Variants in VWA2 observed in about 807,000 individuals in gnomAD.
VWA2 encodes the protein von Willebrand factor A domain containing 2.
Under a neutral mutation model 70.4 loss-of-function variants are expected in VWA2, and 73 were observed. That is an observed-to-expected ratio of 1.04 (90% CI 0.86 to 1.26). The LOEUF (loss-of-function observed/expected upper bound fraction) is 1.26. VWA2 is among the 50% of genes most tolerant of loss of function. The pLI is 0.00. For missense variants in VWA2, 1,011 were observed against 998.5 expected, an observed-to-expected ratio of 1.01 and a Z score of -0.17; for synonymous variants, 407 against 423.3, an observed-to-expected ratio of 0.96 and a Z score of 0.47.
At chr10:114,273,816 G>A (rs774640259) in intron 6 of VWA2, among the ~76,000 whole-genome samples, 1 of 152,150 alleles carries the variant, frequency 6.6e-6, no homozygotes, top group Non-Finnish European at 1.5e-5. Context: ...CCCTCATGGA[G>A]TTTCCATTCT....
chr10:114,287,015 A>G (rs1208587137), intron 11 of VWA2, among the ~76,000 whole-genome samples: 1 of 152,150 alleles, frequency 6.6e-6, no homozygotes, highest in African/African-American at 2.4e-5. Context: ...GCTTCCTGAG[A>G]GGATACTTAC....
chr10:114,255,082 G>A (rs764600022), intron 4 of VWA2, 34 bp downstream of exon 4: 1 of 1,606,996 alleles, frequency 6.2e-7, no homozygotes, highest in African/African-American at 1.3e-5. Context: ...TTGTGTTAGG[G>A]CGTCTTCTGT....
rs147964520 is a variant in VWA2 at position 114,256,047 on chromosome 10, C to T, written c.261+999C>T. 6.4e-3 allele frequency among the ~76,000 whole-genome samples: 982 copies of T among 152,298 alleles called. 14 individuals are homozygous for T. Among genetic ancestry groups the T allele is most frequent in the African/African-American group, 0.023 (943 of 41,548 alleles). The stretch of plus-strand genomic sequence containing the variant: ...AATGGTGCAGCCTCTAGGGGAGAAT[C>T]CAATAGTATTCATCCCAGTTACAAA... On this transcript the variant is annotated intron_variant, in intron 4 of 13. Coordinates refer to ENST00000392982, the MANE Select transcript of VWA2 (RefSeq NM_001272046.2).
intron 1 of VWA2, 137 bp from the exon 2 acceptor site, chr10:114,248,567 A>C (rs2037125357): frequency 2.9e-6 from 2 of 689,332 alleles, no homozygotes; most frequent in African/African-American, 3.6e-5. Context: ...GGACTTTTCT[A>C]GTTATTGTGG....
intron 13 of VWA2, among the ~76,000 whole-genome samples, chr10:114,290,807 T>G (rs1007697254): frequency 6.6e-6 from 1 of 152,000 alleles, no homozygotes; most frequent in Non-Finnish European, 1.5e-5. Flanking sequence ...TGCTATTTGC[T>G]CAGTAAAATG....
chr10:114,240,644 A>G (rs568810851), intron 1 of VWA2, among the ~76,000 whole-genome samples: 1 of 152,380 alleles, frequency 6.6e-6, no homozygotes, highest in East Asian at 1.9e-4. Context: ...ATGTCGATTT[A>G]TTGAAGAGTC....
rs533135968 is a variant in VWA2 at position 114,256,614 on chromosome 10, T to C, written c.261+1566T>C. ...CACGTGAACCTACTCAAAAGTCAAC[T>C]TAAAAATTAAGAGAGGCTGTGCGCG... On this transcript the variant is annotated intron_variant, in intron 4 of 13. Coordinates refer to ENST00000392982, the MANE Select transcript of VWA2 (RefSeq NM_001272046.2). 2.2e-4 allele frequency among the ~76,000 whole-genome samples: 34 copies of C among 152,232 alleles called. 3 individuals are homozygous for C. The South Asian group carries it at 6.8e-3, about 31-fold the overall frequency.
chr10:114,280,741 TTTA>T (rs1171799931), intron 8 of VWA2: 10 of 152,046 alleles, frequency 6.6e-5, no homozygotes, highest in African/African-American at 2.4e-4. Flanking sequence ...AAACTTTGTT[TTTA>T]TTATTATTTT....
chr10:114,289,079 G>C lies in VWA2; in HGVS notation c.1712G>C (p.Gly571Ala). 4 of 1,614,210 alleles carry C rather than the reference G, an allele frequency of 2.5e-6. No homozygotes were observed. Among genetic ancestry groups the C allele is most frequent in the Non-Finnish European group, 3.4e-6 (4 of 1,180,050 alleles). Residue 571 changes from glycine (G) to alanine (A), a missense_variant, in exon 12 of 14, where the codon GGC becomes GCC. By Grantham distance (60) the Gly-to-Ala change is moderately conservative. Coordinates refer to ENST00000392982, the MANE Select transcript of VWA2 (RefSeq NM_001272046.2). ...FEVNPDVTQV[G>A]LVVYGSQVQT... is the part of the protein sequence containing the mutation. Reference sequence around the variant, plus strand: ...GTGAACCCTGACGTGACACAGGTCGGCCTGGTGGTGTATGGCAGCCAGGTG... The same window carrying C: ...GTGAACCCTGACGTGACACAGGTCGCCCTGGTGGTGTATGGCAGCCAGGTG...
chr10:114,281,801 T>C (rs2038143230), intron 8 of VWA2: 2 of 951,150 alleles, frequency 2.1e-6, no homozygotes, highest in African/African-American at 1.9e-5. Context: ...AAAGTGAAGA[T>C]AGAATTACTA....
chr10:114,282,366 T>C lies in VWA2; in HGVS notation c.834-150T>C, dbSNP rs531804394. On this transcript the variant is annotated intron_variant, in intron 8 of 13. Transcript: ENST00000392982. ...CCCTACTCTATGTGCAGAGAAAAGT[T>C]AGGGTAGAATCAAGAAACAAAACCA... 37 of 653,684 alleles carry C rather than the reference T, an allele frequency of 5.7e-5. No individual in the cohort carries two copies. The East Asian group carries it at 9.5e-4, about 17-fold the overall frequency. The allele number at this position is 653,684 out of a possible 1,614,324, so 40.5% of individuals were successfully genotyped here. A position where few individuals can be genotyped will look rare whatever the true frequency, so the allele number is the denominator to read the frequency against.
Position 114,286,517 on chromosome 10 carries a change from G to A in VWA2, c.1570+6G>A. 3.9e-6 allele frequency: 6 copies of A among 1,555,312 alleles called. No individual in the cohort carries two copies. Among genetic ancestry groups the A allele is most frequent in the Non-Finnish European group, 5.2e-6 (6 of 1,149,258 alleles). On this transcript the variant is annotated splice_donor_region_variant and intron_variant, in intron 11 of 13. Coordinates refer to ENST00000392982, the MANE Select transcript of VWA2 (RefSeq NM_001272046.2). Reference sequence around the variant, plus strand: ...GTGCAGCCGGCAGCGGCCAGGTAAGGTCCCAGTGCCTGACCCAGGACCGCT... The same window carrying A: ...GTGCAGCCGGCAGCGGCCAGGTAAGATCCCAGTGCCTGACCCAGGACCGCT...
chr10:114,278,072 G>A (rs748204667), intron 7 of VWA2, 25 bp downstream of exon 7: 19 of 1,599,452 alleles, frequency 1.2e-5, no homozygotes, highest in Admixed American at 5.0e-5. Flanking sequence ...CCTGGAGGGA[G>A]TGGAAGTGCC....
At position 114,272,422 on chromosome 10, in the gene VWA2, G is replaced by A. The variant is rs540708749; in HGVS notation, c.372-318G>A. Among the ~76,000 whole-genome samples, 3 of 152,352 alleles carry A rather than the reference G, an allele frequency of 2.0e-5. No individual in the cohort carries two copies. In the East Asian group the frequency reaches 5.8e-4, roughly 29 times the overall value. ...AGATGATGCAGGGATGAGGAGATGG[G>A]AGGCAGGTGTTAGACAAATGACAAG... On this transcript the variant is annotated intron_variant, in intron 5 of 13. Coordinates refer to ENST00000392982, the MANE Select transcript of VWA2 (RefSeq NM_001272046.2).
chr10:114,278,033 C>G lies in VWA2; in HGVS notation c.686C>G (p.Ser229Cys). ...ACCCTCAGCAGCTCGGCCATCTGCT[C>G]CAGCGCCACGCCAGGTAAGATCTTC... The part of the protein sequence containing the change: ...FSTLSSSAIC[S>C]SATPDCRVEA... The change falls in exon 7 of 14, where the codon TCC becomes TGC. Residue 229 changes from serine to cysteine, a missense_variant. By Grantham distance (112) the Ser-to-Cys change is moderately radical. Transcript: ENST00000392982. 3 of 1,612,056 alleles carry G rather than the reference C, an allele frequency of 1.9e-6. No individual in the cohort carries two copies. The highest frequency in any genetic ancestry group is 1.7e-6 in the Non-Finnish European group (2 of 1,178,630).
intron 11 of VWA2, among the ~76,000 whole-genome samples, chr10:114,287,005 G>T (rs2038982229): frequency 6.6e-6 from 1 of 152,240 alleles, no homozygotes; most frequent in African/African-American, 2.4e-5. Context: ...TGAAACAAAC[G>T]CTTCCTGAGA....
Position 114,272,632 on chromosome 10 carries a change from C to G in VWA2, c.372-108C>G, listed in dbSNP as rs564093991. 198 of 998,842 alleles carry G rather than the reference C, an allele frequency of 2.0e-4. No individual in the cohort carries two copies. In the African/African-American group the frequency reaches 3.0e-3, roughly 15 times the overall value. The allele number at this position is 998,842 out of a possible 1,614,324, so 61.9% of individuals were successfully genotyped here. A position where few individuals can be genotyped will look rare whatever the true frequency, so the allele number is the denominator to read the frequency against. On this transcript the variant is annotated intron_variant, in intron 5 of 13. Transcript: ENST00000392982. Reference sequence around the variant, plus strand: ...ACTTTCAGCCTCTGCTAGGAGAAAGCTACCTTTCGCTAATAACGGAAGAGC... The same window carrying G: ...ACTTTCAGCCTCTGCTAGGAGAAAGGTACCTTTCGCTAATAACGGAAGAGC...
intron 1 of VWA2, chr10:114,246,337 C>T: frequency 1.7e-6 from 1 of 574,012 alleles, no homozygotes; most frequent in East Asian, 3.0e-5. Context: ...CCCGTCTCTA[C>T]TAAAAATACA....
chr10:114,259,228 T>A (rs908171570), intron 4 of VWA2, among the ~76,000 whole-genome samples: 4 of 152,174 alleles, frequency 2.6e-5, no homozygotes, highest in Non-Finnish European at 4.4e-5. Flanking sequence ...TGGGGAAAAA[T>A]GCTATTTCAT....
Sources: allele counts gnomAD v4.1 joint callset (sites outside exome capture counted in the v4.1 genomes callset), GRCh38; gene constraint gnomAD v4.1.1; transcripts MANE v1.5; gene names NCBI Gene and HGNC (gene_info 2026-07-23, HGNC 2026-07-21).